Variants in ACHE observed in about 807,000 individuals in gnomAD.
ACHE encodes the protein acetylcholinesterase.
ACHE carries 19 observed loss-of-function variants against 53.9 expected under a neutral mutation model. The observed-to-expected ratio is 0.35, with a 90% CI of 0.25 to 0.52. The LOEUF (loss-of-function observed/expected upper bound fraction) is 0.52. Ranked by LOEUF, ACHE falls within the 20% of genes least tolerant of loss-of-function variation. ACHE has a pLI of 0.95. For synonymous variants in ACHE, 392 were observed against 378.1 expected, an observed-to-expected ratio of 1.04 and a Z score of -0.43; for missense variants, 605 against 849.4, an observed-to-expected ratio of 0.71 and a Z score of 3.58.
Position 100,893,852 on chromosome 7 carries a change from G to A in ACHE, c.381C>T (p.Cys127=). 5.6e-6 allele frequency: 9 copies of A among 1,609,534 alleles called. No individual in the cohort carries two copies. Among genetic ancestry groups the A allele is most frequent in the Non-Finnish European group, 7.6e-6 (9 of 1,177,466 alleles). The part of the protein sequence containing the change: ...WNPNRELSED[C]LYLNVWTPYP... ...ATGGTGTCCACACGTTGAGGTACAG[G>A]CAGTCCTCGCTCAGCTCACGGTTGG... The change falls in exon 2 of 5, where the codon TGC becomes TGT. Residue 127 remains cysteine (C), a synonymous_variant. Transcript: ENST00000241069.
In ACHE at chr7:100,892,669, G is replaced by T; in HGVS notation, c.1218C>A (p.Ala406=). The T allele has an allele frequency of 6.2e-7, 1 of 1,613,482 alleles. No homozygotes were observed. Among genetic ancestry groups the T allele is most frequent in the Non-Finnish European group, 8.5e-7 (1 of 1,179,954 alleles). ...CTGTGTAATGCAGGACCACAGCCTC[G>T]GCTGCCAGGTCACTTACCTGGGGAA... The part of the protein sequence containing the change: ...VGVPQVSDLA[A]EAVVLHYTDW... The change falls in exon 3 of 5, where the codon GCC becomes GCA. Residue 406 remains alanine, a synonymous_variant. Coordinates refer to ENST00000241069, the MANE Select transcript of ACHE (RefSeq NM_000665.5). This position sits in a 1 kb window ranked among gnomAD's most constrained non-coding sequence, Gnocchi z 5.2.
chr7:100,890,923 AG>A (rs1790640119), intron 4 of ACHE: 2 of 1,474,120 alleles, frequency 1.4e-6, no homozygotes, highest in Non-Finnish European at 1.8e-6. Context: ...TCATTAGAGG[AG>A]GGGCCCCTGT....
At chr7:100,894,994 G>T (rs111337429) in intron 1 of ACHE, among the ~76,000 whole-genome samples, 1 of 152,110 alleles carries the variant, frequency 6.6e-6, no homozygotes, top group Non-Finnish European at 1.5e-5. Context: ...AAAGGTCGGC[G>T]CTCCCCGCCC....
At chr7:100,893,135 C>G in intron 2 of ACHE, 30 bp downstream of exon 2, 1 of 1,606,278 alleles carries the variant, frequency 6.2e-7, no homozygotes, top group Non-Finnish European at 8.5e-7. Context: ...CCCAGAGGAG[C>G]CAGCTTCACG....
chr7:100,894,257 T>C lies in ACHE; in HGVS notation c.-20-5A>G, dbSNP rs756929094. 1.5e-5 allele frequency: 21 copies of C among 1,414,994 alleles called. No individual in the cohort carries two copies. Among genetic ancestry groups the C allele is most frequent in the East Asian group, 2.6e-5 (1 of 38,486 alleles). The allele number at this position is 1,414,994 out of a possible 1,614,324, so 87.7% of individuals were successfully genotyped here. ...TGGCTGCAGGGCAGGCGGCGTCTGC[T>C]GGGAGAAAGAAAGGGAAAGGGTGAA... On this transcript the variant is annotated splice_polypyrimidine_tract_variant and splice_region_variant and intron_variant, in intron 1 of 4. Transcript: ENST00000241069.
chr7:100,891,617 T>C (rs17886048), intron 3 of ACHE, among the ~76,000 whole-genome samples: 3,162 of 152,252 alleles, frequency 0.021, 47 homozygotes, highest in Middle Eastern at 0.044. Flanking sequence ...GGACGGGTCC[T>C]ATGTCTACAA....
In ACHE at chr7:100,890,016, G is replaced by A; in HGVS notation, c.*198C>T. On this transcript the variant is annotated 3_prime_UTR_variant, in exon 5 of 5. Coordinates refer to ENST00000241069, the MANE Select transcript of ACHE (RefSeq NM_000665.5). ...CCGTGGCTGTAACAGTTTATTGGCAGCCCAGAGGGGCGAAGGCACCGCGGG... is the reference window on the plus strand; with the variant it reads ...CCGTGGCTGTAACAGTTTATTGGCAACCCAGAGGGGCGAAGGCACCGCGGG... 1.7e-6 allele frequency: 1 copy of A among 592,702 alleles called. No homozygotes were observed. Among genetic ancestry groups the A allele is most frequent in the East Asian group, 3.0e-5 (1 of 33,400 alleles). The allele number at this position is 592,702 out of a possible 1,614,324, so 36.7% of individuals were successfully genotyped here.
upstream of ACHE, chr7:100,896,953 G>A (rs1303504093): frequency 2.0e-5 from 3 of 151,110 alleles, no homozygotes; most frequent in Non-Finnish European, 3.0e-5. Context: ...CCGAGACCCC[G>A]CGTGGGAGAG....
Position 100,892,414 on chromosome 7 carries a change from G to A in ACHE, c.1473C>T (p.Asp491=). The change falls in exon 3 of 5, where the codon GAC becomes GAT. Residue 491 remains aspartate, a synonymous_variant. Coordinates refer to ENST00000241069, the MANE Select transcript of ACHE (RefSeq NM_000665.5). This position sits in a 1 kb window ranked among gnomAD's most constrained non-coding sequence, Gnocchi z 5.2. The stretch of plus-strand genomic sequence containing the variant: ...CCTCTGCCGTGTAGTTTCGAGAGGG[G>A]TCCAGGGGGATCCCAAAGATGAACT... ...EIEFIFGIPL[D]PSRNYTAEEK... is the part of the protein sequence containing the mutation. The A allele has an allele frequency of 7.1e-6, 11 of 1,539,304 alleles. No individual in the cohort carries two copies. Among genetic ancestry groups the A allele is most frequent in the Non-Finnish European group, 9.7e-6 (11 of 1,138,526 alleles).
At chr7:100,895,197 G>C (rs1221194266) in intron 1 of ACHE, among the ~76,000 whole-genome samples, 1 of 152,082 alleles carries the variant, frequency 6.6e-6, no homozygotes, top group African/African-American at 2.4e-5. Flanking sequence ...AAATTCCCCG[G>C]GTGGGAACTC....
chr7:100,895,363 C>G (rs1165633491), intron 1 of ACHE, among the ~76,000 whole-genome samples: 1 of 152,160 alleles, frequency 6.6e-6, no homozygotes, highest in African/African-American at 2.4e-5. Context: ...GATGGAGTCT[C>G]CGCGGGAGGG....
rs1790750266 is a variant in ACHE, at chr7:100,892,352, G to A, written c.1535C>T (p.Ala512Val). ...TGCTGACCCTGTGCGGGCAAAGTTG[G>A]CCCAGTATCGCATCAGTCGCTGGGC... ...IFAQRLMRYWANFARTGDPNE... is the reference protein window; with the variant it reads ...IFAQRLMRYWVNFARTGDPNE... Residue 512 changes from alanine (A) to valine (V), a missense_variant, in exon 3 of 5, where the codon GCC becomes GTC. Physicochemically the swap from Ala to Val is moderately conservative, Grantham distance 64. This residue lies in a region of ACHE where 397 missense variants were observed against 632.5 expected (regional missense o/e 0.63). Coordinates refer to ENST00000241069, the MANE Select transcript of ACHE (RefSeq NM_000665.5). The surrounding 1 kb of genome is among the most constrained non-coding windows in gnomAD (Gnocchi z 5.2). 1 of 1,514,942 alleles carries A rather than the reference G, an allele frequency of 6.6e-7. No homozygotes were observed. Among genetic ancestry groups the A allele is most frequent in the Non-Finnish European group, 8.9e-7 (1 of 1,129,266 alleles). The allele number at this position is 1,514,942 out of a possible 1,614,324, so 93.8% of individuals were successfully genotyped here.
Position 100,892,300 on chromosome 7 carries a change from C to T in ACHE, c.1553+34G>A. ...GTGTCCTCCCGCCCCCGACTCCTGT[C>T]CTCCCCAGCCTTCTCTCCCTCTGCA... On this transcript the variant is annotated intron_variant, in intron 3 of 4. Coordinates refer to ENST00000241069, the MANE Select transcript of ACHE (RefSeq NM_000665.5). This position sits in a 1 kb window ranked among gnomAD's most constrained non-coding sequence, Gnocchi z 5.2. The T allele has an allele frequency of 6.7e-7, 1 of 1,481,834 alleles. No individual in the cohort carries two copies. The allele number at this position is 1,481,834 out of a possible 1,614,324, so 91.8% of individuals were successfully genotyped here.
chr7:100,896,756 G>A, upstream of ACHE: 1 of 322,368 alleles, frequency 3.1e-6, no homozygotes, highest in Non-Finnish European at 6.6e-6. Flanking sequence ...CTGGCAGGTG[G>A]GAGCGGCCTG....
chr7:100,891,478 C>G (rs1790693973), intron 3 of ACHE, 140 bp from the exon 4 acceptor site: 1 of 813,212 alleles, frequency 1.2e-6, no homozygotes, highest in Admixed American at 3.7e-5. Context: ...CTCCAATGTG[C>G]GCGGTCATTG....
At chr7:100,894,647 G>C (rs1390352356) in intron 1 of ACHE, among the ~76,000 whole-genome samples, 1 of 84,926 alleles carries the variant, frequency 1.2e-5, no homozygotes, top group African/African-American at 5.0e-5. Flanking sequence ...AGCGCCGCTG[G>C]GGGAGCTTGC....
chr7:100,896,990 T>G (rs983476732), upstream of ACHE: 1 of 148,896 alleles, frequency 6.7e-6, no homozygotes, highest in South Asian at 2.1e-4. Context: ...GCGTCGGGCG[T>G]GCGTGCGCGC....
rs369090680 is a variant in ACHE, at chr7:100,895,451, C to G, written c.-21+351G>C. Among the ~76,000 whole-genome samples, 8 of 152,074 alleles carry G rather than the reference C, an allele frequency of 5.3e-5. No individual in the cohort carries two copies. In the East Asian group the frequency reaches 1.6e-3, roughly 30 times the overall value. ...GCTTGTGGCCCTGGGGATGGGGGTG[C>G]CCAGCCCGGCGCCGGGAACCTGCGC... On this transcript the variant is annotated intron_variant, in intron 1 of 4. Transcript: ENST00000241069.
Position 100,892,237 on chromosome 7 carries a change from C to T in ACHE, c.1553+97G>A, listed in dbSNP as rs1441013590. 7.8e-6 allele frequency: 11 copies of T among 1,414,908 alleles called. No homozygotes were observed. In the East Asian group the frequency reaches 2.7e-4, roughly 35 times the overall value. 87.6% of individuals were successfully genotyped at this position (1,414,908 alleles called of 1,614,324 possible). ...TCTGGCTGTTCTATCCTGCCCCTGT[C>T]CCACCCGTCCTTTCTGTCTCCGTGT... On this transcript the variant is annotated intron_variant, in intron 3 of 4. Coordinates refer to ENST00000241069, the MANE Select transcript of ACHE (RefSeq NM_000665.5). The surrounding 1 kb of genome is among the most constrained non-coding windows in gnomAD (Gnocchi z 5.2).
Sources: allele counts gnomAD v4.1 joint callset (sites outside exome capture counted in the v4.1 genomes callset), GRCh38; gene constraint gnomAD v4.1.1; regional missense constraint gnomAD v4.1.1; non-coding constraint Gnocchi (gnomAD v3.1); transcripts MANE v1.5; gene names NCBI Gene and HGNC (gene_info 2026-07-23, HGNC 2026-07-21).